Variants in PDE1C observed in about 807,000 individuals in gnomAD.
PDE1C encodes phosphodiesterase 1C.
PDE1C carries 62 observed loss-of-function variants against 93.1 expected under a neutral mutation model. That is an observed-to-expected ratio of 0.67 (90% CI 0.54 to 0.82). PDE1C has a LOEUF of 0.82. Among genes scored for constraint, PDE1C ranks in the 40% least tolerant of loss-of-function variants. The probability of loss-of-function intolerance (pLI) is 0.00; values close to 1 mark genes in which losing one functional copy is unlikely to be tolerated. For synonymous variants in PDE1C, 325 were observed against 310.1 expected (o/e 1.05, Z -0.50); for missense variants, 742 against 884.6 (o/e 0.84, Z 2.04).
chr7:32,423,108 C>G (rs753206805), intron 1 of PDE1C, among the ~76,000 whole-genome samples: 8 of 152,214 alleles, frequency 5.3e-5, no homozygotes, highest in Non-Finnish European at 8.8e-5. Flanking sequence ...GGTGTGATGG[C>G]TCACACTTGT....
the PDE1C span, chr7:31,692,422 C>T: frequency 6.3e-7 from 1 of 1,576,384 alleles, no homozygotes; most frequent in Non-Finnish European, 8.7e-7. Flanking sequence ...AGAAGAAATA[C>T]ATCCACCCAC....
the PDE1C span, among the ~76,000 whole-genome samples, chr7:31,631,651 T>C: frequency 6.6e-6 from 1 of 152,074 alleles, no homozygotes; most frequent in East Asian, 1.9e-4. Flanking sequence ...AAGGGACTGC[T>C]AGACCTGGAG....
At position 32,250,943 on chromosome 7, in the gene PDE1C, G is replaced by A. The variant is rs112956282; in HGVS notation, c.86-41404C>T. On this transcript the variant is annotated intron_variant, in intron 1 of 18. Transcript: ENST00000396193. ...TTCTGCTTCTTTTGATTGAAAAGGC[G>A]CATGATCTAATGCCAGATGGCGACA... Among the ~76,000 whole-genome samples the A allele has an allele frequency of 9.7e-3, 1,482 of 152,320 alleles. 29 individuals carry two copies. The highest frequency in any genetic ancestry group is 0.034 in the African/African-American group (1,429 of 41,568).
intron 2 of PDE1C, among the ~76,000 whole-genome samples, chr7:32,200,845 T>C (rs1804956831): frequency 1.3e-5 from 2 of 152,200 alleles, no homozygotes; most frequent in Non-Finnish European, 2.9e-5. Flanking sequence ...AGCATCACAT[T>C]GCAAGAAGAG....
intron 16 of PDE1C, among the ~76,000 whole-genome samples, chr7:31,798,926 G>T (rs1785643514): frequency 6.6e-6 from 1 of 151,590 alleles, no homozygotes; most frequent in Non-Finnish European, 1.5e-5. Context: ...CTAAAATAGG[G>T]CAGTTCTTTA....
chr7:32,300,786 A>G (rs967960881), upstream of PDE1C, among the ~76,000 whole-genome samples: 1 of 152,208 alleles, frequency 6.6e-6, no homozygotes, highest in African/African-American at 2.4e-5. Flanking sequence ...GAATTTTTAT[A>G]TGTAACATTT....
At chr7:31,725,910 G>A in the PDE1C span, among the ~76,000 whole-genome samples, 1 of 152,218 alleles carries the variant, frequency 6.6e-6, no homozygotes, top group Non-Finnish European at 1.5e-5. Flanking sequence ...CAGAAGCAAA[G>A]TCTGTTTTAA....
chr7:32,156,981 C>T (rs1428046554), intron 3 of PDE1C, among the ~76,000 whole-genome samples: 2 of 152,180 alleles, frequency 1.3e-5, no homozygotes, highest in Non-Finnish European at 2.9e-5. Context: ...AAATCTCCTT[C>T]CTCATTGCTG....
intron 15 of PDE1C, among the ~76,000 whole-genome samples, chr7:31,810,642 C>T (rs1787430849): frequency 6.6e-6 from 1 of 152,024 alleles, no homozygotes; most frequent in Admixed American, 6.6e-5. Context: ...ACAGGCCATT[C>T]CATCTATGTT....
chr7:32,177,508 G>T (rs1398048025), intron 2 of PDE1C, among the ~76,000 whole-genome samples: 1 of 152,126 alleles, frequency 6.6e-6, no homozygotes, highest in Non-Finnish European at 1.5e-5. Flanking sequence ...TCTCAGGGGT[G>T]TGCCTTTCAA....
chr7:31,709,165 G>C, the PDE1C span, among the ~76,000 whole-genome samples: 2 of 152,114 alleles, frequency 1.3e-5, no homozygotes, highest in African/African-American at 4.8e-5. Context: ...AGAGATGCTC[G>C]ATAACTTCTG....
intron 3 of PDE1C, among the ~76,000 whole-genome samples, chr7:32,089,974 T>C (rs576017264): frequency 6.6e-6 from 1 of 152,350 alleles, no homozygotes; most frequent in Non-Finnish European, 1.5e-5. Context: ...AGTTTCTTGG[T>C]ACCATTTTCT....
At chr7:32,381,107 G>A (rs1356223209) in intron 1 of PDE1C, among the ~76,000 whole-genome samples, 1 of 151,902 alleles carries the variant, frequency 6.6e-6, no homozygotes. Context: ...GACCAAAAGT[G>A]TTGGTGTTAT....
intron 2 of PDE1C, among the ~76,000 whole-genome samples, chr7:31,993,528 C>T (rs1784387171): frequency 6.6e-6 from 1 of 152,076 alleles, no homozygotes; most frequent in African/African-American, 2.4e-5. Flanking sequence ...GGATGAATAG[C>T]CTCTATAAGT....
intron 2 of PDE1C, among the ~76,000 whole-genome samples, chr7:32,183,572 T>C (rs1347640608): frequency 6.6e-6 from 1 of 152,222 alleles, no homozygotes; most frequent in Non-Finnish European, 1.5e-5. Flanking sequence ...ATTTAATAAA[T>C]GGTGCTGGGA....
At chr7:31,991,356 G>C (rs868060813) in intron 2 of PDE1C, among the ~76,000 whole-genome samples, 1 of 152,308 alleles carries the variant, frequency 6.6e-6, no homozygotes, top group East Asian at 1.9e-4. Flanking sequence ...TGAGGTGGTA[G>C]GGACAGAGTC....
At chr7:31,968,875 T>C (rs1051468276) in intron 2 of PDE1C, among the ~76,000 whole-genome samples, 17 of 152,160 alleles carry the variant, frequency 1.1e-4, no homozygotes, top group Non-Finnish European at 1.2e-4. Context: ...AAACAAGCAA[T>C]GGGGAAAGGA....
intron 1 of PDE1C, among the ~76,000 whole-genome samples, chr7:32,240,665 T>A (rs1392552845): frequency 6.6e-6 from 1 of 152,006 alleles, no homozygotes; most frequent in East Asian, 1.9e-4. Context: ...TGGAGCTGAA[T>A]GAGAGAGCTA....
intron 2 of PDE1C, among the ~76,000 whole-genome samples, chr7:32,186,503 T>C (rs1172373456): frequency 1.3e-5 from 2 of 152,194 alleles, no homozygotes; most frequent in Non-Finnish European, 2.9e-5. Flanking sequence ...GCAATGTTTA[T>C]TTCCCAGAAG....
Sources: allele counts gnomAD v4.1 joint callset (sites outside exome capture counted in the v4.1 genomes callset), GRCh38; gene constraint gnomAD v4.1.1; transcripts MANE v1.5; gene names NCBI Gene and HGNC (gene_info 2026-07-23, HGNC 2026-07-21).